Variants in NCOR2 observed in about 807,000 individuals in gnomAD.
The protein encoded by NCOR2 is CTG repeat protein 26.
In NCOR2, 81 loss-of-function variants were observed where a neutral mutation model predicts 262.9. That is an observed-to-expected ratio of 0.31 (90% confidence interval 0.26 to 0.37). The LOEUF is 0.37. NCOR2 is among the 10% of genes least tolerant of loss of function. The probability of loss-of-function intolerance (pLI) is 1.00; values close to 1 mark genes in which losing one functional copy is unlikely to be tolerated. For synonymous variants in NCOR2, 1,659 were observed against 1,559.3 expected, an observed-to-expected ratio of 1.06 and a Z score of -1.51; for missense variants, 3,385 against 3,621.4, an observed-to-expected ratio of 0.93 and a Z score of 1.68.
intron 38 of NCOR2, 141 bp downstream of exon 40, chr12:124,336,612 G>C: frequency 6.8e-7 from 1 of 1,471,194 alleles, no homozygotes; most frequent in Non-Finnish European, 9.0e-7. Flanking sequence ...ACCACGAGAC[G>C]GGGTGGGTGC....
In NCOR2 at chr12:124,402,550, T is replaced by TGG; in HGVS notation, c.1493_1494insCC (p.Gln498HisfsTer113). 1.1e-6 allele frequency: 1 copy of TGG among 904,284 alleles called. No individual in the cohort carries two copies. Among genetic ancestry groups the TGG allele is most frequent in the Non-Finnish European group, 1.6e-6 (1 of 638,632 alleles). The allele number at this position is 904,284 out of a possible 1,614,324, so 56.0% of individuals were successfully genotyped here. ...GCTGCTGCTGCTGCTGCTGCTGCTGTTGTTGCTGCTGCTGTCAGACCCCGG... is the reference window on the plus strand; with the variant it reads ...GCTGCTGCTGCTGCTGCTGCTGCTGTGGTGTTGCTGCTGCTGTCAGACCCCGG... On this transcript the variant is annotated frameshift_variant, in exon 14 of 47. Transcript: ENST00000405201. LOFTEE classifies it high-confidence loss of function.
At chr12:124,429,148 C>T (rs2043768169) in intron 10 of NCOR2, among the ~76,000 whole-genome samples, 1 of 152,250 alleles carries the variant, frequency 6.6e-6, no homozygotes, top group Non-Finnish European at 1.5e-5. Context: ...GGACAGCTGG[C>T]GTGCTGGGAA....
At position 124,457,583 on chromosome 12, in the gene NCOR2, G is replaced by A. The variant is rs1156242932; in HGVS notation, c.706-421C>T. ...TTACCTCAGAGCTAGTGCAGCCAGC[G>A]AGGGAAGGAGGAGGAGGAGGAGGAG... On this transcript the variant is annotated intron_variant, in intron 5 of 46. Coordinates refer to ENST00000405201, the Ensembl canonical transcript of NCOR2. This position sits in a 1 kb window ranked among gnomAD's most constrained non-coding sequence, Gnocchi z 4.0. Among the ~76,000 whole-genome samples the A allele has an allele frequency of 9.2e-5, 14 of 152,174 alleles. No homozygotes were observed. Among genetic ancestry groups the A allele is most frequent in the East Asian group, 3.9e-4 (2 of 5,182 alleles).
rs886803903 is a variant in NCOR2 at position 124,523,301 on chromosome 12, C to A, written c.-118+12264G>T. On this transcript the variant is annotated intron_variant, in intron 1 of 46. Transcript: ENST00000404621. The surrounding 1 kb of genome is among the most constrained non-coding windows in gnomAD (Gnocchi z 4.0). ...ACGCCAGAATACCATGGGCACCCAG[C>A]AACTGGCAAGGACGGCTGGGGGCAG... 2.6e-5 allele frequency among the ~76,000 whole-genome samples: 4 copies of A among 152,228 alleles called. No individual in the cohort carries two copies. The highest frequency in any genetic ancestry group is 5.9e-5 in the Non-Finnish European group (4 of 68,044).
chr12:124,349,560 CACAGTCCTCCCCATTCCCT>C (rs540157816), intron 28 of NCOR2, among the ~76,000 whole-genome samples: 56 of 152,250 alleles, frequency 3.7e-4, no homozygotes, highest in Admixed American at 7.8e-4. Flanking sequence ...GAGCAGGCAC[CACAGTCCTCCCCATTCCCT>C]ACAGTCCTCC....
In NCOR2 at chr12:124,426,109, T is replaced by C. The variant is rs779411369; in HGVS notation, c.1328+513A>G. 1.1e-3 allele frequency among the ~76,000 whole-genome samples: 171 copies of C among 152,352 alleles called. 2 individuals are homozygous for C. The highest frequency in any genetic ancestry group is 4.2e-3 in the Admixed American group (65 of 15,302). ...TCTTCCGACTCGCAGTGCCCCGTCT[T>C]ACATCCAGCTGCCCTTACACTTTGT... On this transcript the variant is annotated intron_variant, in intron 11 of 46. Transcript: ENST00000405201.
intron 1 of NCOR2, among the ~76,000 whole-genome samples, chr12:124,488,904 C>T (rs1407405854): frequency 6.6e-6 from 1 of 152,008 alleles, no homozygotes; most frequent in East Asian, 1.9e-4. Flanking sequence ...CTGCATGAAC[C>T]CTTTGGCCTT....
chr12:124,535,581 C>T (rs1226900798), exon 1 of NCOR2: 4 of 152,358 alleles, frequency 2.6e-5, no homozygotes, highest in South Asian at 2.1e-4. Context: ...CTGCCTCCAG[C>T]GAGGCTGTGT....
intron 1 of NCOR2, among the ~76,000 whole-genome samples, chr12:124,551,683 T>C (rs2137260636): frequency 6.6e-6 from 1 of 152,312 alleles, no homozygotes; most frequent in Admixed American, 6.5e-5. Flanking sequence ...CTGGAGTCTC[T>C]TCCAGCAGCC....
At chr12:124,386,737 A>G (rs1254057030) in intron 16 of NCOR2, among the ~76,000 whole-genome samples, 1 of 152,194 alleles carries the variant, frequency 6.6e-6, no homozygotes, top group Non-Finnish European at 1.5e-5. Flanking sequence ...CTCGGCAGAA[A>G]CACAGCCCCT....
At chr12:124,404,308 C>T (rs1397040653) in intron 13 of NCOR2, among the ~76,000 whole-genome samples, 1 of 152,184 alleles carries the variant, frequency 6.6e-6, no homozygotes, top group Non-Finnish European at 1.5e-5. Flanking sequence ...GGCAACAGCC[C>T]AGGGCCAGAG....
At chr12:124,339,853 A>ATCCATCCATCCACCCACGCAGCTAAC (rs1566364300) in intron 37 of NCOR2, among the ~76,000 whole-genome samples, 153 bp downstream of exon 39, 1 of 138,406 alleles carries the variant, frequency 7.2e-6, no homozygotes, top group African/African-American at 2.9e-5. Context: ...CCACCCATCC[A>ATCCATCCATCCACCCACGCAGCTAAC]CTACTCACAC....
rs564043034 is a variant in NCOR2 at position 124,400,328 on chromosome 12, T to C, written c.1813+173A>G. 1.6e-4 allele frequency among the ~76,000 whole-genome samples: 24 copies of C among 152,250 alleles called. No individual in the cohort carries two copies. The East Asian group carries it at 1.9e-3, about 12-fold the overall frequency. On this transcript the variant is annotated intron_variant, in intron 15 of 46. Coordinates refer to ENST00000405201, the Ensembl canonical transcript of NCOR2. ...AGGCACAGAGAGGTTCAGGAATTCA[T>C]GCTGGGCCACACAGCACATCCAGTA...
At chr12:124,340,716 C>T (rs2036386473) in exon 35 of NCOR2, 3 of 1,544,798 alleles carry the variant, frequency 1.9e-6, no homozygotes, top group African/African-American at 1.4e-5. Context: ...GGCACGAGCA[C>T]AGGCAGGTGT....
intron 6 of NCOR2, among the ~76,000 whole-genome samples, chr12:124,451,393 C>T (rs540296044): frequency 1.3e-5 from 2 of 152,308 alleles, no homozygotes; most frequent in Admixed American, 1.3e-4. Context: ...TACCGGGTAA[C>T]TGATACAATC....
exon 35 of NCOR2, chr12:124,340,639 G>C: frequency 6.7e-7 from 1 of 1,497,272 alleles, no homozygotes; most frequent in Admixed American, 2.4e-5. Context: ...GGCTGCTGAA[G>C]GGCTGGGGCG....
rs1389928691 is a variant in NCOR2, at chr12:124,458,272, G to A, written c.706-1110C>T. Among the ~76,000 whole-genome samples the A allele has an allele frequency of 2.6e-5, 4 of 152,218 alleles. No homozygotes were observed. The South Asian group carries it at 8.3e-4, about 32-fold the overall frequency. ...AAAAATTTGACGCAGCCTTTGCCAA[G>A]ATCTCCTCGCAGGGCGGAGGTGCCC... On this transcript the variant is annotated intron_variant, in intron 5 of 46. Coordinates refer to ENST00000405201, the Ensembl canonical transcript of NCOR2.
chr12:124,366,537 G>T (rs941257607), intron 20 of NCOR2, among the ~76,000 whole-genome samples: 1 of 151,988 alleles, frequency 6.6e-6, no homozygotes, highest in Non-Finnish European at 1.5e-5. Flanking sequence ...TTTGAGACAG[G>T]GTCTTGCTAT....
intron 11 of NCOR2, among the ~76,000 whole-genome samples, chr12:124,423,227 C>T (rs918780801): frequency 1.4e-4 from 21 of 152,014 alleles, no homozygotes; most frequent in African/African-American, 4.1e-4. Context: ...ATGGTGGGGG[C>T]GGGGATGTGG....
Sources: gnomAD v4.1 joint callset for allele counts (sites outside exome capture counted in the v4.1 genomes callset) on GRCh38, gnomAD v4.1.1 for gene constraint, Gnocchi (gnomAD v3.1) non-coding constraint, MANE v1.5 for transcripts, NCBI Gene and HGNC (gene_info 2026-07-23, HGNC 2026-07-21) for gene names.